RBM6: variants seen among roughly 807,000 people sequenced by gnomAD.
RBM6 encodes the protein RNA binding motif protein 6, also known as RNA-binding protein 6.
RBM6 carries 23 observed loss-of-function variants against 140.4 expected under a neutral mutation model. That is an observed-to-expected ratio of 0.16 (90% confidence interval 0.12 to 0.23). RBM6 has a LOEUF of 0.23. Among genes scored for constraint, RBM6 ranks in the 10% least tolerant of loss-of-function variants. The probability of loss-of-function intolerance (pLI) is 1.00; values close to 1 mark genes in which losing one functional copy is unlikely to be tolerated. For missense variants in RBM6, 1,139 were observed against 1,386.7 expected (o/e 0.82, Z 2.84); for synonymous variants, 439 against 475.6 (o/e 0.92, Z 1.00).
At chr3:50,018,715 C>A (rs1303229426) in intron 6 of RBM6, among the ~76,000 whole-genome samples, 1 of 150,164 alleles carries the variant, frequency 6.7e-6, no homozygotes, top group Non-Finnish European at 1.5e-5. Context: ...CCTCAGCCTC[C>A]CAAGTAGCTG....
chr3:49,969,400 A>G (rs2108637584), intron 3 of RBM6, among the ~76,000 whole-genome samples: 1 of 148,006 alleles, frequency 6.8e-6, no homozygotes, highest in East Asian at 2.0e-4. Context: ...CAGGAGTGGA[A>G]TGTAGGAATG....
chr3:50,055,494 G>A (rs2089664521), intron 8 of RBM6, among the ~76,000 whole-genome samples: 1 of 152,200 alleles, frequency 6.6e-6, no homozygotes, highest in South Asian at 2.1e-4. Flanking sequence ...ATTTTCACCA[G>A]AGGAAAGAGA....
At chr3:50,034,186 G>C (rs1004460710) in intron 6 of RBM6, among the ~76,000 whole-genome samples, 1 of 142,712 alleles carries the variant, frequency 7.0e-6, no homozygotes, top group Admixed American at 7.3e-5. Context: ...GTTTCATCAT[G>C]TTAGCCAGGC....
At chr3:50,000,241 A>G (rs1459680490) in intron 6 of RBM6, among the ~76,000 whole-genome samples, 1 of 151,696 alleles carries the variant, frequency 6.6e-6, no homozygotes, top group Non-Finnish European at 1.5e-5. Flanking sequence ...CCTTCTTGTT[A>G]TGGTGCTTCC....
intron 6 of RBM6, chr3:50,047,246 C>A (rs909844209): frequency 1.4e-5 from 14 of 984,658 alleles, no homozygotes; most frequent in Non-Finnish European, 1.7e-5. Flanking sequence ...TAACTCAGAG[C>A]CCTGTCTGAG....
intron 1 of RBM6, among the ~76,000 whole-genome samples, chr3:49,944,307 T>G (rs2083399998): frequency 6.6e-6 from 1 of 152,160 alleles, no homozygotes; most frequent in South Asian, 2.1e-4. Context: ...TTCATCCATC[T>G]TGTAGTATGT....
chr3:50,001,857 T>A (rs1056296956), intron 6 of RBM6, among the ~76,000 whole-genome samples: 8 of 152,234 alleles, frequency 5.3e-5, no homozygotes, highest in African/African-American at 1.9e-4. Context: ...GATAGCTGAG[T>A]GCTATAAAGA....
intron 6 of RBM6, chr3:50,047,107 G>T (rs1332682830): frequency 1.0e-6 from 1 of 952,408 alleles, no homozygotes; most frequent in African/African-American, 1.8e-5. Flanking sequence ...GTTTTGACAA[G>T]ACAATAATTT....
At position 50,029,401 on chromosome 3, in the gene RBM6, A is replaced by G. The variant is rs1016706906; in HGVS notation, c.1558-18844A>G. 3.3e-5 allele frequency among the ~76,000 whole-genome samples: 5 copies of G among 152,162 alleles called. No homozygotes were observed. In the East Asian group the frequency reaches 9.6e-4, roughly 29 times the overall value. ...AACACTGGATATCAGAGGGGAAGGT[A>G]CAAGAGAGAGGGCAGAATCAAAGGC... On this transcript the variant is annotated intron_variant, in intron 6 of 20. Transcript: ENST00000266022.
chr3:50,020,840 A>G (rs1383828260), intron 6 of RBM6, among the ~76,000 whole-genome samples: 1 of 152,158 alleles, frequency 6.6e-6, no homozygotes, highest in Non-Finnish European at 1.5e-5. Flanking sequence ...AAAATACAGT[A>G]TTTCAGTATT....
intron 1 of RBM6, among the ~76,000 whole-genome samples, chr3:49,944,672 C>G (rs935361315): frequency 2.0e-5 from 3 of 151,498 alleles, no homozygotes; most frequent in Non-Finnish European, 4.4e-5. Context: ...GAAGGAGTTT[C>G]GCCATGTTGG....
At chr3:50,067,949 C>T (rs2090172209) in intron 17 of RBM6, among the ~76,000 whole-genome samples, 1 of 152,186 alleles carries the variant, frequency 6.6e-6, no homozygotes, top group Non-Finnish European at 1.5e-5. Context: ...CTGATAATCC[C>T]TGGAACAGAC....
chr3:49,981,239 C>G (rs2085294645), intron 5 of RBM6, among the ~76,000 whole-genome samples: 1 of 152,134 alleles, frequency 6.6e-6, no homozygotes, highest in Non-Finnish European at 1.5e-5. Flanking sequence ...ACCTTGTAAG[C>G]TGAAGACTGC....
intron 6 of RBM6, among the ~76,000 whole-genome samples, chr3:50,023,257 T>C (rs2087612033): frequency 6.6e-6 from 1 of 152,190 alleles, no homozygotes; most frequent in African/African-American, 2.4e-5. Context: ...CTGTTTCTTC[T>C]TCTTGCTTTT....
chr3:50,028,657 A>C (rs1205214425), intron 6 of RBM6, among the ~76,000 whole-genome samples: 1 of 152,226 alleles, frequency 6.6e-6, no homozygotes, highest in Admixed American at 6.5e-5. Context: ...ATGACTAGCA[A>C]ATAGGTGGTC....
Position 49,975,885 on chromosome 3 carries a change from C to A in RBM6, c.1483+493C>A, listed in dbSNP as rs1392544788. Among the ~76,000 whole-genome samples the A allele has an allele frequency of 2.0e-5, 3 of 152,026 alleles. No individual in the cohort carries two copies. In the East Asian group the frequency reaches 5.8e-4, roughly 29 times the overall value. ...TATTTTGTTGAAATCCATGAATAGA[C>A]CCAGAAGAGCTTTCCCTTTGACATC... On this transcript the variant is annotated intron_variant, in intron 5 of 20. Transcript: ENST00000266022.
intron 1 of RBM6, among the ~76,000 whole-genome samples, chr3:49,962,165 A>T (rs2084311641): frequency 6.8e-6 from 1 of 148,036 alleles, no homozygotes; most frequent in Non-Finnish European, 1.5e-5. Context: ...AAAAAAAAAA[A>T]AAAGAAGGCC....
chr3:49,974,845 C>T (rs2084989303), intron 4 of RBM6, among the ~76,000 whole-genome samples: 1 of 151,514 alleles, frequency 6.6e-6, no homozygotes. Context: ...TGCCACCACA[C>T]CAGGCTAATT....
At chr3:49,994,669 G>GGGGTGTGTGTGTGTGTGTGTGTGTGT (rs148704782) in intron 5 of RBM6, among the ~76,000 whole-genome samples, 1 of 148,164 alleles carries the variant, frequency 6.7e-6, no homozygotes, top group African/African-American at 2.5e-5. Context: ...AAGGCTGTGG[G>GGGGTGTGTGTGTGTGTGTGTGTGTGT]GTGTGTGTGT....
Sources: allele counts gnomAD v4.1 joint callset (sites outside exome capture counted in the v4.1 genomes callset), GRCh38; gene constraint gnomAD v4.1.1; transcripts MANE v1.5; gene names NCBI Gene and HGNC (gene_info 2026-07-23, HGNC 2026-07-21).